Variants in ROBO2 observed in about 807,000 individuals in gnomAD.
The protein encoded by ROBO2 is roundabout homolog 2.
In ROBO2, 53 loss-of-function variants were observed where a neutral mutation model predicts 160.8. The ratio of observed to expected loss-of-function variants is 0.33; its 90% CI spans 0.26 to 0.41. The LOEUF is 0.41. ROBO2 is among the 10% of genes least tolerant of loss of function. The pLI is 1.00. For missense variants in ROBO2, 1,577 were observed against 1,722.4 expected (o/e 0.92, Z 1.49); for synonymous variants, 664 against 611.7 (o/e 1.09, Z -1.26).
At chr3:76,711,529 C>T (rs1410889209) in intron 2 of ROBO2, among the ~76,000 whole-genome samples, 1 of 152,154 alleles carries the variant, frequency 6.6e-6, no homozygotes, top group Admixed American at 6.6e-5. Flanking sequence ...TGATTAGGCT[C>T]ACTAGCTGGA....
chr3:76,706,524 G>A (rs1405030418), intron 2 of ROBO2, among the ~76,000 whole-genome samples: 1 of 151,838 alleles, frequency 6.6e-6, no homozygotes, highest in East Asian at 1.9e-4. Context: ...ACTATAGAAT[G>A]TCACATGGTT....
At chr3:75,978,726 C>T (rs914572992) in intron 2 of ROBO2, among the ~76,000 whole-genome samples, 2 of 151,420 alleles carry the variant, frequency 1.3e-5, no homozygotes, top group African/African-American at 4.8e-5. Flanking sequence ...AAACTTTTAC[C>T]AACATCTAGT....
intron 2 of ROBO2, among the ~76,000 whole-genome samples, chr3:76,279,659 T>A (rs930388880): frequency 6.6e-6 from 1 of 152,132 alleles, no homozygotes; most frequent in Non-Finnish European, 1.5e-5. Context: ...TAAACCCTAA[T>A]GTCCTTTAAC....
At chr3:77,091,720 T>C (rs941561468) in intron 1 of ROBO2, among the ~76,000 whole-genome samples, 1 of 152,066 alleles carries the variant, frequency 6.6e-6, no homozygotes, top group African/African-American at 2.4e-5. Flanking sequence ...GGCTCATGCC[T>C]GTAATCCCAG....
chr3:77,546,577 G>A, intron 7 of ROBO2, 115 bp downstream of exon 8: 2 of 1,323,084 alleles, frequency 1.5e-6, no homozygotes, highest in South Asian at 2.4e-5. Context: ...TTTTATTTCT[G>A]AAAAAGAGAC....
intron 2 of ROBO2, among the ~76,000 whole-genome samples, chr3:76,216,255 A>G (rs1298279735): frequency 1.3e-5 from 2 of 152,216 alleles, no homozygotes; most frequent in Admixed American, 6.5e-5. Flanking sequence ...GCATCAACTA[A>G]TGAGCAAAAT....
At chr3:76,855,116 G>A (rs984238289) in intron 2 of ROBO2, among the ~76,000 whole-genome samples, 1 of 152,120 alleles carries the variant, frequency 6.6e-6, no homozygotes, top group Non-Finnish European at 1.5e-5. Context: ...TTCACACATG[G>A]CTACATAAGT....
At chr3:76,402,713 A>C (rs1376697159) in intron 2 of ROBO2, among the ~76,000 whole-genome samples, 1 of 150,614 alleles carries the variant, frequency 6.6e-6, no homozygotes, top group Non-Finnish European at 1.5e-5. Context: ...AAGCTGCAAC[A>C]CTTCTATTCT....
chr3:77,090,032 C>T (rs2069911225), intron 1 of ROBO2, among the ~76,000 whole-genome samples: 1 of 151,986 alleles, frequency 6.6e-6, no homozygotes, highest in African/African-American at 2.4e-5. Flanking sequence ...TTTTGACTAA[C>T]GATAAATAGT....
At chr3:76,916,655 G>T (rs1396852197) in intron 2 of ROBO2, among the ~76,000 whole-genome samples, 2 of 151,714 alleles carry the variant, frequency 1.3e-5, no homozygotes, top group East Asian at 1.9e-4. Context: ...TATTTTAAAA[G>T]ACATATGAGA....
intron 2 of ROBO2, among the ~76,000 whole-genome samples, chr3:75,981,489 A>G (rs766687035): frequency 7.9e-5 from 12 of 151,366 alleles, no homozygotes; most frequent in African/African-American, 2.9e-4. Flanking sequence ...AATGCCTACT[A>G]TGTGTGAGAG....
chr3:76,112,178 T>A (rs2070261693), intron 2 of ROBO2, among the ~76,000 whole-genome samples: 1 of 152,146 alleles, frequency 6.6e-6, no homozygotes, highest in South Asian at 2.1e-4. Context: ...TTTTTCCAGA[T>A]ATTTTCCTAT....
intron 2 of ROBO2, among the ~76,000 whole-genome samples, chr3:76,977,819 A>G (rs1203053582): frequency 1.3e-5 from 2 of 152,178 alleles, no homozygotes; most frequent in Non-Finnish European, 2.9e-5. Flanking sequence ...GTATTTTCAT[A>G]AAGATACTGT....
At chr3:77,596,563 C>T (rs564751256) in intron 18 of ROBO2, 60 bp from the exon 20 acceptor site, 20 of 1,599,954 alleles carry the variant, frequency 1.3e-5, no homozygotes, top group East Asian at 6.7e-5. Flanking sequence ...TTGCATGAGA[C>T]GAGTGTCAAA....
intron 2 of ROBO2, among the ~76,000 whole-genome samples, chr3:77,132,534 AAAGT>A (rs2075940302): frequency 6.6e-6 from 1 of 152,136 alleles, no homozygotes; most frequent in Admixed American, 6.6e-5. Context: ...CTGATGAAAA[AAAGT>A]CATTCTTGAT....
chr3:77,242,914 A>G (rs2089237736), intron 2 of ROBO2, among the ~76,000 whole-genome samples: 1 of 151,328 alleles, frequency 6.6e-6, no homozygotes, highest in South Asian at 2.1e-4. Context: ...ATTAAATGAG[A>G]GCGGTAACAT....
At chr3:77,084,431 C>G (rs1225325625) in intron 1 of ROBO2, among the ~76,000 whole-genome samples, 1 of 152,002 alleles carries the variant, frequency 6.6e-6, no homozygotes, top group African/African-American at 2.4e-5. Context: ...GAAATACCAC[C>G]CTGTTCGAAG....
At chr3:76,685,320 C>T (rs1295745088) in intron 2 of ROBO2, among the ~76,000 whole-genome samples, 1 of 151,780 alleles carries the variant, frequency 6.6e-6, no homozygotes, top group Non-Finnish European at 1.5e-5. Context: ...ACGGGATATC[C>T]TGTTCTTTAA....
chr3:77,046,451 G>T (rs1176132205), intron 1 of ROBO2, among the ~76,000 whole-genome samples: 2 of 152,096 alleles, frequency 1.3e-5, no homozygotes, highest in African/African-American at 4.8e-5. Flanking sequence ...TTTTAGCAGA[G>T]ATCTCAGCAA....
Sources: allele counts gnomAD v4.1 joint callset (sites outside exome capture counted in the v4.1 genomes callset), GRCh38; gene constraint gnomAD v4.1.1; transcripts MANE v1.5; gene names NCBI Gene and HGNC (gene_info 2026-07-23, HGNC 2026-07-21).